Variants in RIMS2 observed in about 807,000 individuals in gnomAD.
RIMS2 encodes regulating synaptic membrane exocytosis 2.
A neutral mutation model predicts 174.4 loss-of-function variants in RIMS2; 59 were observed. The observed-to-expected ratio is 0.34, with a 90% CI of 0.27 to 0.42. The LOEUF is 0.42. Among genes scored for constraint, RIMS2 ranks in the 10% least tolerant of loss-of-function variants. The pLI is 1.00. For synonymous variants in RIMS2, 606 were observed against 572.5 expected (o/e 1.06, Z -0.84); for missense variants, 1,620 against 1,666.3 (o/e 0.97, Z 0.48).
chr8:103,767,436 C>T (rs1235718033), intron 3 of RIMS2, among the ~76,000 whole-genome samples: 3 of 152,116 alleles, frequency 2.0e-5, no homozygotes, highest in East Asian at 1.9e-4. Flanking sequence ...CTGCCCACCT[C>T]GGCCTCCCAA....
At chr8:104,041,026 G>T (rs1361157176) in intron 19 of RIMS2, among the ~76,000 whole-genome samples, 5 of 151,624 alleles carry the variant, frequency 3.3e-5, no homozygotes, top group African/African-American at 1.2e-4. Context: ...TCTTTCTTCA[G>T]CATTGGTGTT....
chr8:103,760,256 T>G (rs188483383), intron 2 of RIMS2, among the ~76,000 whole-genome samples: 4 of 152,336 alleles, frequency 2.6e-5, no homozygotes, highest in African/African-American at 9.6e-5. Flanking sequence ...TGCTTCAGCC[T>G]GTAAGTGTGA....
chr8:103,838,803 C>T (rs944074347), intron 3 of RIMS2, among the ~76,000 whole-genome samples: 10 of 152,120 alleles, frequency 6.6e-5, no homozygotes, highest in Non-Finnish European at 1.3e-4. Flanking sequence ...CGGTGGCTCA[C>T]GCCTGTAATC....
chr8:104,036,403 G>A lies in RIMS2; in HGVS notation c.3334+21788G>A, dbSNP rs1322525526. 5.3e-5 allele frequency among the ~76,000 whole-genome samples: 8 copies of A among 151,136 alleles called. No individual in the cohort carries two copies. In the East Asian group the frequency reaches 1.2e-3, roughly 22 times the overall value. ...CCTGACCTCGTGATCCGCCTGCCTC[G>A]GCCTCCCAAAGTGCTGGGATTACAG... On this transcript the variant is annotated intron_variant, in intron 19 of 23. Coordinates refer to ENST00000504942, the Ensembl canonical transcript of RIMS2.
intron 17 of RIMS2, chr8:103,998,291 T>G (rs1424347543): frequency 7.4e-7 from 1 of 1,356,304 alleles, no homozygotes; most frequent in South Asian, 1.2e-5. Context: ...TGGAATTGCT[T>G]GTGCCTGTGT....
intron 3 of RIMS2, among the ~76,000 whole-genome samples, chr8:103,790,624 C>T (rs6468891): frequency 0.014 from 2,076 of 151,982 alleles, 46 homozygotes; most frequent in African/African-American, 0.044. Context: ...ATAATCATTC[C>T]AGGGAGTATG....
At chr8:103,738,099 T>G (rs1345392751) in intron 2 of RIMS2, among the ~76,000 whole-genome samples, 1 of 152,206 alleles carries the variant, frequency 6.6e-6, no homozygotes, top group African/African-American at 2.4e-5. Context: ...CAATGATTGT[T>G]TATTAATATG....
chr8:103,604,351 G>A (rs1367949759), intron 1 of RIMS2, among the ~76,000 whole-genome samples: 1 of 151,856 alleles, frequency 6.6e-6, no homozygotes, highest in Non-Finnish European at 1.5e-5. Flanking sequence ...CTGTTCCATT[G>A]ATCTATATCT....
chr8:103,704,412 C>A (rs1245629153), intron 2 of RIMS2, among the ~76,000 whole-genome samples: 1 of 151,734 alleles, frequency 6.6e-6, no homozygotes, highest in Non-Finnish European at 1.5e-5. Context: ...GAGATAATGG[C>A]CTCTAGTCGT....
intron 1 of RIMS2, among the ~76,000 whole-genome samples, chr8:103,517,024 C>A (rs1226779482): frequency 6.6e-6 from 1 of 152,170 alleles, no homozygotes; most frequent in East Asian, 1.9e-4. Flanking sequence ...TTTTGAGCAT[C>A]TGTTCTATAC....
At chr8:104,017,683 C>T (rs1003563967) in intron 19 of RIMS2, among the ~76,000 whole-genome samples, 1 of 152,114 alleles carries the variant, frequency 6.6e-6, no homozygotes, top group African/African-American at 2.4e-5. Flanking sequence ...CACAATTTCT[C>T]TTTTACAAAT....
intron 1 of RIMS2, among the ~76,000 whole-genome samples, chr8:103,644,152 T>C (rs555094820): frequency 6.6e-6 from 1 of 151,928 alleles, no homozygotes; most frequent in South Asian, 2.1e-4. Flanking sequence ...AAACTAAGAT[T>C]TGGAATTTGA....
intron 4 of RIMS2, among the ~76,000 whole-genome samples, chr8:103,904,618 T>C (rs1345497548): frequency 6.6e-6 from 1 of 152,084 alleles, no homozygotes; most frequent in African/African-American, 2.4e-5. Context: ...TCAACCAGTC[T>C]TGCATTCCAG....
chr8:103,899,844 T>C (rs2099317380), intron 4 of RIMS2, among the ~76,000 whole-genome samples: 1 of 151,838 alleles, frequency 6.6e-6, no homozygotes, highest in Non-Finnish European at 1.5e-5. Flanking sequence ...AGGGTTTTTA[T>C]GGTTTTAGGT....
intron 3 of RIMS2, among the ~76,000 whole-genome samples, chr8:103,776,231 C>G (rs996263709): frequency 6.6e-6 from 1 of 152,080 alleles, no homozygotes; most frequent in Non-Finnish European, 1.5e-5. Flanking sequence ...TTTTCAGACA[C>G]AAGACAGCTA....
chr8:103,795,916 A>G (rs2098546774), intron 3 of RIMS2, among the ~76,000 whole-genome samples: 2 of 152,224 alleles, frequency 1.3e-5, no homozygotes, highest in Admixed American at 1.3e-4. Context: ...CGAGACATTT[A>G]AAATGTAAGT....
At chr8:103,863,203 T>C (rs1564975947) in intron 3 of RIMS2, among the ~76,000 whole-genome samples, 1 of 152,230 alleles carries the variant, frequency 6.6e-6, no homozygotes, top group African/African-American at 2.4e-5. Context: ...AGAATTTTTT[T>C]TGACATCTGT....
intron 3 of RIMS2, among the ~76,000 whole-genome samples, chr8:103,823,476 A>G (rs1219214144): frequency 6.6e-6 from 1 of 151,982 alleles, no homozygotes; most frequent in Non-Finnish European, 1.5e-5. Flanking sequence ...GGCTACTCTA[A>G]TTATAAAAGT....
At chr8:103,597,280 A>G (rs986267304) in intron 1 of RIMS2, among the ~76,000 whole-genome samples, 2 of 152,174 alleles carry the variant, frequency 1.3e-5, no homozygotes, top group Non-Finnish European at 2.9e-5. Context: ...GAGAGAATAC[A>G]CATAGTAGCA....
Sources: gnomAD v4.1 joint callset for allele counts (sites outside exome capture counted in the v4.1 genomes callset) on GRCh38, gnomAD v4.1.1 for gene constraint, MANE v1.5 for transcripts, NCBI Gene and HGNC (gene_info 2026-07-23, HGNC 2026-07-21) for gene names.